The following USP15 variants were observed in gnomAD, a reference collection of about 807,000 sequenced individuals.
USP15 encodes the protein ubiquitin specific peptidase 15.
USP15 carries 18 observed loss-of-function variants against 127.1 expected under a neutral mutation model. That is an observed-to-expected ratio of 0.14 (90% CI 0.10 to 0.21). The LOEUF (loss-of-function observed/expected upper bound fraction) is 0.21. Ranked by LOEUF, USP15 falls within the 10% of genes least tolerant of loss-of-function variation. USP15 has a pLI of 1.00. For missense variants in USP15, 805 were observed against 1,159.9 expected, an observed-to-expected ratio of 0.69 and a Z score of 4.44; for synonymous variants, 364 against 393.7, an observed-to-expected ratio of 0.92 and a Z score of 0.89.
At chr12:62,314,449 G>A (rs1412305011) in intron 3 of USP15, among the ~76,000 whole-genome samples, 1 of 151,780 alleles carries the variant, frequency 6.6e-6, no homozygotes, top group African/African-American at 2.4e-5. Context: ...TTTGCACATA[G>A]TCATTTTGGG....
At position 62,314,716 on chromosome 12, in the gene USP15, C is replaced by G. The variant is rs544922711; in HGVS notation, c.349-74C>G. 2.2e-4 allele frequency: 287 copies of G among 1,318,772 alleles called. 3 individuals carry two copies. The East Asian group carries it at 7.7e-3, about 35-fold the overall frequency. 81.7% of individuals were successfully genotyped at this position (1,318,772 alleles called of 1,614,324 possible). A position where few individuals can be genotyped will look rare whatever the true frequency, so the allele number is the denominator to read the frequency against. ...GGAGATCTGCAGTTTTCTAAAGTCT[C>G]TTTAAATGTATTGTTATTAGAGTGA... On this transcript the variant is annotated intron_variant, in intron 3 of 21. Transcript: ENST00000280377.
chr12:62,354,168 A>G (rs147344647), intron 7 of USP15, among the ~76,000 whole-genome samples: 1 of 151,432 alleles, frequency 6.6e-6, no homozygotes, highest in Admixed American at 6.6e-5. Flanking sequence ...TTTACTAAAG[A>G]CTTTCTTAGA....
Position 62,321,533 on chromosome 12 carries a change from A to G in USP15, c.545A>G (p.Lys182Arg). Residue 182 changes from lysine (K) to arginine (R), a missense_variant, in exon 5 of 22, where the codon AAA becomes AGA. Around this residue, in one of 11 missense-constraint regions of USP15, gnomAD observed 16 missense variants for 40.8 expected, o/e 0.39. Transcript: ENST00000280377. ...PDEKETRLWNKYMSNTFEPLN... is the reference protein window; with the variant it reads ...PDEKETRLWNRYMSNTFEPLN... ...GAAAAGGAGACCAGATTGTGGAACAAATACATGAGTAACACATTTGAACCA... is the reference window on the plus strand; with the variant it reads ...GAAAAGGAGACCAGATTGTGGAACAGATACATGAGTAACACATTTGAACCA... 6.2e-7 allele frequency: 1 copy of G among 1,610,476 alleles called. No individual in the cohort carries two copies. Among genetic ancestry groups the G allele is most frequent in the Non-Finnish European group, 8.5e-7 (1 of 1,178,146 alleles).
chr12:62,376,670 C>T (rs970802748), intron 8 of USP15, among the ~76,000 whole-genome samples: 16 of 152,132 alleles, frequency 1.1e-4, no homozygotes, highest in African/African-American at 3.6e-4. Flanking sequence ...TTTCATTTGT[C>T]ATGATACATT....
At chr12:62,392,004 G>T in intron 17 of USP15, 118 bp downstream of exon 17, 1 of 1,074,454 alleles carries the variant, frequency 9.3e-7, no homozygotes, top group Admixed American at 3.2e-5. Context: ...TATTTTGCCA[G>T]TAAAAAATTG....
chr12:62,367,145 C>T (rs1287994215), intron 8 of USP15, among the ~76,000 whole-genome samples: 1 of 152,124 alleles, frequency 6.6e-6, no homozygotes, highest in Non-Finnish European at 1.5e-5. Flanking sequence ...TAGAATTCGG[C>T]TATGAATACA....
intron 4 of USP15, among the ~76,000 whole-genome samples, chr12:62,319,161 A>G (rs1592576691): frequency 6.6e-6 from 1 of 152,168 alleles, no homozygotes; most frequent in East Asian, 1.9e-4. Context: ...AAGCAACCAC[A>G]TCTTACCGTG....
At chr12:62,349,665 T>C (rs971913616) in intron 7 of USP15, among the ~76,000 whole-genome samples, 10 of 152,072 alleles carry the variant, frequency 6.6e-5, no homozygotes, top group Non-Finnish European at 1.5e-4. Context: ...AAAAAGTGTG[T>C]ATCAGTGATT....
intron 1 of USP15, among the ~76,000 whole-genome samples, chr12:62,274,509 G>T (rs377194323): frequency 9.9e-5 from 15 of 152,016 alleles, no homozygotes; most frequent in African/African-American, 3.4e-4. Flanking sequence ...AACCGGGTGT[G>T]GTGGTGCTGT....
At chr12:62,330,765 A>C (rs1415155043) in intron 6 of USP15, among the ~76,000 whole-genome samples, 1 of 151,434 alleles carries the variant, frequency 6.6e-6, no homozygotes, top group Non-Finnish European at 1.5e-5. Flanking sequence ...TACAAAAAAA[A>C]AAAAACAAAA....
chr12:62,316,689 T>A (rs1000856741), intron 4 of USP15, among the ~76,000 whole-genome samples: 2 of 152,074 alleles, frequency 1.3e-5, no homozygotes, highest in African/African-American at 4.8e-5. Flanking sequence ...AAATTAAATA[T>A]GAGACCATCA....
intron 2 of USP15, among the ~76,000 whole-genome samples, chr12:62,295,612 C>T (rs1187298996): frequency 6.6e-6 from 1 of 152,106 alleles, no homozygotes; most frequent in African/African-American, 2.4e-5. Context: ...TAATAAAGAA[C>T]AGATGAGACA....
At position 62,318,654 on chromosome 12, in the gene USP15, A is replaced by T. The variant is rs563611302; in HGVS notation, c.476-2810A>T. ...TTTAAGTTGATAGGTCCTGCCCTGA[A>T]GTCTCCCATAATTCCAGTTTGAACT... On this transcript the variant is annotated intron_variant, in intron 4 of 21. Coordinates refer to ENST00000280377, the MANE Select transcript of USP15 (RefSeq NM_001252078.2). Among the ~76,000 whole-genome samples the T allele has an allele frequency of 6.6e-4, 101 of 152,088 alleles. 1 individual carries two copies. The highest frequency in any genetic ancestry group is 5.4e-4 in the Non-Finnish European group (37 of 68,016).
chr12:62,321,319 G>T, intron 4 of USP15, 145 bp from the exon 5 acceptor site: 1 of 501,868 alleles, frequency 2.0e-6, no homozygotes, highest in Middle Eastern at 5.8e-4. Context: ...CCCTTTTGTT[G>T]GTTTGTGTTT....
In USP15 at chr12:62,413,373, G is replaced by A. The variant is rs958974851; in HGVS notation, c.*8998G>A. ...AAATCAGTCTCTCGTTTGAAGCCAAGCATCAACTTTTCTCTAGCTATGAAA... is the reference window on the plus strand; with the variant it reads ...AAATCAGTCTCTCGTTTGAAGCCAAACATCAACTTTTCTCTAGCTATGAAA... On this transcript the variant is annotated 3_prime_UTR_variant, in exon 22 of 22. Transcript: ENST00000280377. 2 of 152,202 alleles carry A rather than the reference G, an allele frequency of 1.3e-5. No individual in the cohort carries two copies. Among genetic ancestry groups the A allele is most frequent in the African/African-American group, 4.8e-5 (2 of 41,454 alleles). The allele number at this position is 152,202 out of a possible 1,614,324, so 9.4% of individuals were successfully genotyped here.
intron 6 of USP15, chr12:62,335,948 G>A (rs989463681): frequency 1.0e-6 from 1 of 985,282 alleles, no homozygotes. Flanking sequence ...GTCTAGCTCG[G>A]TTCCTCTTTA....
chr12:62,387,395 G>A (rs1235435560), intron 11 of USP15, among the ~76,000 whole-genome samples: 1 of 152,174 alleles, frequency 6.6e-6, no homozygotes, highest in Non-Finnish European at 1.5e-5. Context: ...AGGAGACACT[G>A]TTGCCTCTTC....
intron 2 of USP15, among the ~76,000 whole-genome samples, chr12:62,301,076 A>G (rs1197808272): frequency 2.0e-5 from 3 of 152,218 alleles, no homozygotes; most frequent in Non-Finnish European, 4.4e-5. Flanking sequence ...ATTTGAACAC[A>G]TAATTCACCA....
intron 7 of USP15, among the ~76,000 whole-genome samples, chr12:62,353,799 G>A (rs1252944395): frequency 6.6e-6 from 1 of 151,898 alleles, no homozygotes; most frequent in African/African-American, 2.4e-5. Flanking sequence ...TAGTTACTAG[G>A]AATATGAAAT....
Sources: gnomAD v4.1 joint callset for allele counts (sites outside exome capture counted in the v4.1 genomes callset) on GRCh38, gnomAD v4.1.1 for gene constraint, gnomAD v4.1.1 regional missense constraint, MANE v1.5 for transcripts, NCBI Gene and HGNC (gene_info 2026-07-23, HGNC 2026-07-21) for gene names.